The following CDC73 variants were observed in gnomAD, a reference collection of about 807,000 sequenced individuals.
The protein encoded by CDC73 is parafibromin.
CDC73 carries 21 observed loss-of-function variants against 83.7 expected under a neutral mutation model. That is an observed-to-expected ratio of 0.25 (90% CI 0.18 to 0.36). The LOEUF is 0.36. Ranked by LOEUF, CDC73 falls within the 10% of genes least tolerant of loss-of-function variation. The pLI is 1.00. For synonymous variants in CDC73, 224 were observed against 212.9 expected, an observed-to-expected ratio of 1.05 and a Z score of -0.45; for missense variants, 342 against 653.3, an observed-to-expected ratio of 0.52 and a Z score of 5.19.
intron 3 of CDC73, among the ~76,000 whole-genome samples, chr1:193,131,337 C>T (rs573233625): frequency 6.6e-6 from 1 of 152,312 alleles, no homozygotes; most frequent in South Asian, 2.1e-4. Flanking sequence ...ATCTCACATC[C>T]ATTCTATCAA....
intron 10 of CDC73, among the ~76,000 whole-genome samples, chr1:193,163,027 T>TA (rs1468461015): frequency 1.3e-5 from 2 of 152,148 alleles, no homozygotes; most frequent in Non-Finnish European, 1.5e-5. Flanking sequence ...GTAACTTATC[T>TA]AGCTACACAA....
rs565166670 is a variant in CDC73 at position 193,182,596 on chromosome 1, AC to A, written c.973-21198del. Among the ~76,000 whole-genome samples the A allele has an allele frequency of 1.5e-3, 235 of 152,232 alleles. 3 individuals carry two copies. The highest frequency in any genetic ancestry group is 5.3e-3 in the African/African-American group (221 of 41,550). ...AATTTACATGCAGATAATTTGTTAAACTTTTAGAACTTGTCATTAGCACAGT... is the reference window on the plus strand; with the variant it reads ...AATTTACATGCAGATAATTTGTTAAATTTTAGAACTTGTCATTAGCACAGT... On this transcript the variant is annotated intron_variant, in intron 10 of 16. Coordinates refer to ENST00000367435, the MANE Select transcript of CDC73 (RefSeq NM_024529.5).
At chr1:193,141,684 A>C (rs1675908822) in intron 6 of CDC73, among the ~76,000 whole-genome samples, 166 bp from the exon 7 acceptor site, 1 of 152,214 alleles carries the variant, frequency 6.6e-6, no homozygotes, top group South Asian at 2.1e-4. Flanking sequence ...ATTCTTTATA[A>C]AAATTTTATA....
chr1:193,197,522 T>C (rs549515717), intron 10 of CDC73, among the ~76,000 whole-genome samples: 1 of 152,348 alleles, frequency 6.6e-6, no homozygotes, highest in South Asian at 2.1e-4. Context: ...ATGTATTTAT[T>C]ATCGAGCTCC....
chr1:193,223,016 T>C (rs140791762), intron 13 of CDC73, among the ~76,000 whole-genome samples: 1 of 152,276 alleles, frequency 6.6e-6, no homozygotes, highest in Non-Finnish European at 1.5e-5. Flanking sequence ...TCAGATATTT[T>C]ATATTTCAGT....
At chr1:193,197,535 C>T (rs1042690869) in intron 10 of CDC73, among the ~76,000 whole-genome samples, 22 of 152,106 alleles carry the variant, frequency 1.4e-4, no homozygotes, top group African/African-American at 4.1e-4. Flanking sequence ...CGAGCTCCTT[C>T]ATTAGATTGC....
intron 10 of CDC73, among the ~76,000 whole-genome samples, chr1:193,185,230 A>G (rs1326895103): frequency 1.3e-5 from 2 of 152,104 alleles, no homozygotes; most frequent in Non-Finnish European, 2.9e-5. Context: ...ACAACGTTAA[A>G]TTTGATCATT....
chr1:193,213,740 T>C (rs1677315673), intron 13 of CDC73, among the ~76,000 whole-genome samples: 1 of 152,230 alleles, frequency 6.6e-6, no homozygotes, highest in Non-Finnish European at 1.5e-5. Context: ...TGCTCACTAA[T>C]CTTAATATGG....
intron 10 of CDC73, among the ~76,000 whole-genome samples, chr1:193,153,442 A>G (rs1054348201): frequency 2.0e-5 from 3 of 152,200 alleles, no homozygotes; most frequent in African/African-American, 7.2e-5. Flanking sequence ...TTAAGACACT[A>G]ATACCAAACT....
intron 13 of CDC73, among the ~76,000 whole-genome samples, chr1:193,217,625 TA>T (rs1677392885): frequency 6.6e-6 from 1 of 152,102 alleles, no homozygotes; most frequent in South Asian, 2.1e-4. Context: ...CTTCTGCTGA[TA>T]TGCTCCTTTT....
At chr1:193,244,154 T>C (rs1572222646) in intron 15 of CDC73, among the ~76,000 whole-genome samples, 1 of 152,206 alleles carries the variant, frequency 6.6e-6, no homozygotes, top group African/African-American at 2.4e-5. Flanking sequence ...ATAAACTAGC[T>C]GGGATGATTC....
rs941849131 is a variant in CDC73 at position 193,249,427 on chromosome 1, C to T, written c.1418-303C>T. On this transcript the variant is annotated intron_variant, in intron 15 of 16. Coordinates refer to ENST00000367435, the MANE Select transcript of CDC73 (RefSeq NM_024529.5). ...CTCATTTTATTATGATACTTTATTG[C>T]GGTGGTCTGGAACTGAACCCACAAT... Among the ~76,000 whole-genome samples, 8 of 151,980 alleles carry T rather than the reference C, an allele frequency of 5.3e-5. No individual in the cohort carries two copies. The East Asian group carries it at 7.7e-4, about 15-fold the overall frequency.
rs575304941 is a variant in CDC73, at chr1:193,152,979, C to T, written c.972+535C>T. On this transcript the variant is annotated intron_variant, in intron 10 of 16. Coordinates refer to ENST00000367435, the MANE Select transcript of CDC73 (RefSeq NM_024529.5). Reference sequence around the variant, plus strand: ...TGTATTTTTAGTAGAGACGGGGTTTCGCTGTGGTCTGGATCTCCTGACCTC... The same window carrying T: ...TGTATTTTTAGTAGAGACGGGGTTTTGCTGTGGTCTGGATCTCCTGACCTC... Among the ~76,000 whole-genome samples, 10 of 151,954 alleles carry T rather than the reference C, an allele frequency of 6.6e-5. No homozygotes were observed. The South Asian group carries it at 1.7e-3, about 25-fold the overall frequency.
chr1:193,224,010 A>G (rs1053752734), intron 13 of CDC73, among the ~76,000 whole-genome samples: 2 of 151,962 alleles, frequency 1.3e-5, no homozygotes, highest in African/African-American at 4.8e-5. Flanking sequence ...GAAATATTCA[A>G]ATTATTCTTT....
chr1:193,214,670 G>T (rs939350279), intron 13 of CDC73, among the ~76,000 whole-genome samples: 3 of 152,222 alleles, frequency 2.0e-5, no homozygotes, highest in Non-Finnish European at 4.4e-5. Flanking sequence ...AGTGAGCTGA[G>T]ATGCCGCCAC....
At chr1:193,224,268 G>A (rs559381952) in intron 13 of CDC73, among the ~76,000 whole-genome samples, 3 of 151,800 alleles carry the variant, frequency 2.0e-5, no homozygotes, top group Non-Finnish European at 2.9e-5. Context: ...CATATTATAC[G>A]AGAAACAGCA....
chr1:193,169,722 T>G (rs1054038788), intron 10 of CDC73, among the ~76,000 whole-genome samples: 1 of 152,224 alleles, frequency 6.6e-6, no homozygotes, highest in Non-Finnish European at 1.5e-5. Flanking sequence ...CTGTAAGATG[T>G]ATTTCCAAAT....
rs1054348518 is a variant in CDC73 at position 193,122,062 on chromosome 1, A to G, written c.-139A>G. 13 of 764,628 alleles carry G rather than the reference A, an allele frequency of 1.7e-5. No individual in the cohort carries two copies. The highest frequency in any genetic ancestry group is 2.7e-5 in the Non-Finnish European group (12 of 451,042). The allele number at this position is 764,628 out of a possible 1,614,324, so 47.4% of individuals were successfully genotyped here. The stretch of plus-strand genomic sequence containing the variant: ...GCCCCTGCTGCTGTCGTAGGCGAGG[A>G]CGGCTGTTAGTGCTGCTGCTGTTGG... On this transcript the variant is annotated 5_prime_UTR_variant, in exon 1 of 17. Transcript: ENST00000367435.
intron 10 of CDC73, among the ~76,000 whole-genome samples, chr1:193,166,268 A>G (rs534510134): frequency 6.6e-6 from 1 of 152,186 alleles, no homozygotes; most frequent in South Asian, 2.1e-4. Flanking sequence ...CCTGGGCTCA[A>G]TCACTGCTCC....
Sources: allele counts gnomAD v4.1 joint callset (sites outside exome capture counted in the v4.1 genomes callset), GRCh38; gene constraint gnomAD v4.1.1; transcripts MANE v1.5; gene names NCBI Gene and HGNC (gene_info 2026-07-23, HGNC 2026-07-21).